CCDC126: variants seen among roughly 807,000 people sequenced by gnomAD.
CCDC126 encodes the protein coiled-coil domain-containing protein 126.
In CCDC126, 5 loss-of-function variants were observed where a neutral mutation model predicts 11.7. The ratio of observed to expected loss-of-function variants is 0.43; its 90% CI spans 0.22 to 0.90. The LOEUF is 0.90. Among genes scored for constraint, CCDC126 ranks in the 40% least tolerant of loss-of-function variants. CCDC126 has a pLI of 0.27. For synonymous variants in CCDC126, 60 were observed against 61.9 expected (o/e 0.97, Z 0.14); for missense variants, 150 against 163.1 (o/e 0.92, Z 0.44).
At chr7:23,605,648 A>G (rs1265380028) in intron 2 of CCDC126, among the ~76,000 whole-genome samples, 2 of 152,084 alleles carry the variant, frequency 1.3e-5, no homozygotes, top group Non-Finnish European at 2.9e-5. Context: ...AGAACATCTT[A>G]CTTCCTTAGG....
At chr7:23,617,956 A>G (rs149297456) in intron 3 of CCDC126, among the ~76,000 whole-genome samples, 1 of 152,322 alleles carries the variant, frequency 6.6e-6, no homozygotes, top group East Asian at 1.9e-4. Context: ...CCAATTCCCT[A>G]CAGATACAGA....
intron 3 of CCDC126, chr7:23,619,565 T>C: frequency 4.1e-6 from 1 of 241,714 alleles, no homozygotes; most frequent in Non-Finnish European, 8.3e-6. Context: ...TTTATTTATT[T>C]TTTCTTTTTT....
intron 3 of CCDC126, among the ~76,000 whole-genome samples, chr7:23,620,846 C>G (rs572197176): frequency 3.3e-5 from 5 of 152,238 alleles, no homozygotes; most frequent in African/African-American, 1.2e-4. Flanking sequence ...ATCCTTTCCC[C>G]ATTGCTTGTT....
At chr7:23,641,910 G>C (rs1283255595) in intron 3 of CCDC126, among the ~76,000 whole-genome samples, 1 of 152,176 alleles carries the variant, frequency 6.6e-6, no homozygotes. Context: ...CTGGACCCTA[G>C]GCTCCCCCAC....
intron 2 of CCDC126, chr7:23,598,343 G>A (rs916358491): frequency 6.6e-6 from 1 of 152,230 alleles, no homozygotes. Flanking sequence ...CTCTGGACTT[G>A]AGTTTTGTGC....
In CCDC126 at chr7:23,614,625, T is replaced by C. The variant is rs73077143; in HGVS notation, c.238+3072T>C. Among the ~76,000 whole-genome samples, 803 of 152,346 alleles carry C rather than the reference T, an allele frequency of 5.3e-3. 11 individuals are homozygous for C. The highest frequency in any genetic ancestry group is 0.04 in the East Asian group (209 of 5,188). On this transcript the variant is annotated intron_variant, in intron 3 of 3. Coordinates refer to ENST00000307471, the MANE Select transcript of CCDC126 (RefSeq NM_138771.4). ...CCATCAGCTCTGGCCTTATGGAATG[T>C]ATTTCTTAAATAATAAGACTTAAAA...
At chr7:23,623,508 G>A (rs1584207183) in intron 3 of CCDC126, among the ~76,000 whole-genome samples, 1 of 151,056 alleles carries the variant, frequency 6.6e-6, no homozygotes, top group African/African-American at 2.4e-5. Flanking sequence ...AGGCAGGAGA[G>A]TCACTTGAAC....
intron 3 of CCDC126, chr7:23,619,427 C>A: frequency 2.4e-6 from 1 of 418,522 alleles, no homozygotes; most frequent in South Asian, 1.9e-5. Flanking sequence ...AGATTAAAAC[C>A]TACAAAGAAA....
At chr7:23,630,764 C>T (rs752244466) in intron 3 of CCDC126, among the ~76,000 whole-genome samples, 41 of 133,200 alleles carry the variant, frequency 3.1e-4, no homozygotes, top group Non-Finnish European at 5.6e-4. Flanking sequence ...AGAATATTTA[C>T]CAAAGTAGAC....
chr7:23,629,294 A>G (rs1290494721), intron 3 of CCDC126, among the ~76,000 whole-genome samples: 1 of 152,172 alleles, frequency 6.6e-6, no homozygotes, highest in East Asian at 1.9e-4. Flanking sequence ...TCAGAGAGCT[A>G]CCTTGTCTCT....
At chr7:23,634,267 G>A (rs771729806) in intron 3 of CCDC126, among the ~76,000 whole-genome samples, 1 of 152,136 alleles carries the variant, frequency 6.6e-6, no homozygotes, top group African/African-American at 2.4e-5. Context: ...GCAACATGGT[G>A]AAACCCTGTC....
At position 23,640,991 on chromosome 7, in the gene CCDC126, G is replaced by GATTTTTTTTTTTTTTTTT. The variant is rs754297249; in HGVS notation, c.239-1940_239-1939insATTTTTTTTTTTTTTTTT. Among the ~76,000 whole-genome samples the GATTTTTTTTTTTTTTTTT allele has an allele frequency of 1.7e-4, 19 of 111,000 alleles. 6 individuals carry two copies. The highest frequency in any genetic ancestry group is 7.5e-5 in the African/African-American group (2 of 26,644). 72.8% of individuals were successfully genotyped at this position (111,000 alleles called of 152,430 possible). ...ATCCCTCTGAGCTCTGAATCCTTTT[G>GATTTTTTTTTTTTTTTTT]GTTTTTTTTTTTTTTTTTTTTTTTG... On this transcript the variant is annotated intron_variant, in intron 3 of 3. Transcript: ENST00000307471.
At chr7:23,607,349 G>A (rs1038532862) in intron 2 of CCDC126, among the ~76,000 whole-genome samples, 2 of 152,102 alleles carry the variant, frequency 1.3e-5, no homozygotes, top group Admixed American at 6.5e-5. Context: ...TTATCTAAGT[G>A]GCCTTCTGGG....
intron 3 of CCDC126, among the ~76,000 whole-genome samples, chr7:23,623,117 G>T (rs1410974489): frequency 6.6e-6 from 1 of 151,180 alleles, no homozygotes; most frequent in South Asian, 2.1e-4. Context: ...GGGATTGCAG[G>T]CTCGCGCCAC....
intron 3 of CCDC126, among the ~76,000 whole-genome samples, chr7:23,630,873 A>G (rs1014112913): frequency 2.6e-5 from 4 of 152,082 alleles, no homozygotes; most frequent in African/African-American, 9.7e-5. Context: ...TAATGGAAAG[A>G]TGATAGGAAA....
chr7:23,623,361 C>T (rs1782956619), intron 3 of CCDC126, among the ~76,000 whole-genome samples: 1 of 151,858 alleles, frequency 6.6e-6, no homozygotes, highest in South Asian at 2.1e-4. Context: ...CTTTGAGAGG[C>T]CGAGGTGGGC....
intron 2 of CCDC126, among the ~76,000 whole-genome samples, chr7:23,601,519 C>T (rs1310552231): frequency 2.0e-5 from 3 of 152,156 alleles, no homozygotes; most frequent in African/African-American, 7.2e-5. Context: ...GAAAATTGCT[C>T]ATTGCAAACT....
intron 3 of CCDC126, among the ~76,000 whole-genome samples, chr7:23,642,174 G>A (rs775893631): frequency 6.6e-6 from 1 of 152,070 alleles, no homozygotes; most frequent in Non-Finnish European, 1.5e-5. Flanking sequence ...ACCAGGCCCG[G>A]CTAATTTTTT....
At chr7:23,641,428 C>T (rs1179001736) in intron 3 of CCDC126, among the ~76,000 whole-genome samples, 3 of 152,134 alleles carry the variant, frequency 2.0e-5, no homozygotes, top group African/African-American at 7.2e-5. Flanking sequence ...TTATGGTTTG[C>T]AAATGTTTTC....
Sources: allele counts gnomAD v4.1 joint callset (sites outside exome capture counted in the v4.1 genomes callset), GRCh38; gene constraint gnomAD v4.1.1; transcripts MANE v1.5; gene names NCBI Gene and HGNC (gene_info 2026-07-23, HGNC 2026-07-21).